FGF14: variants seen among roughly 807,000 people sequenced by gnomAD.
FGF14 encodes the protein fibroblast growth factor homologous factor 4.
FGF14 carries 5 observed loss-of-function variants against 25.5 expected under a neutral mutation model. The ratio of observed to expected loss-of-function variants is 0.20; its 90% CI spans 0.10 to 0.41. The LOEUF (loss-of-function observed/expected upper bound fraction) is 0.41. Ranked by LOEUF, FGF14 falls within the 10% of genes least tolerant of loss-of-function variation. FGF14 has a pLI of 1.00. For missense variants in FGF14, 222 were observed against 320.1 expected (o/e 0.69, Z 2.34); for synonymous variants, 138 against 118.3 (o/e 1.17, Z -1.08).
chr13:102,269,275 T>C (rs1258779201), intron 1 of FGF14, among the ~76,000 whole-genome samples: 1 of 152,186 alleles, frequency 6.6e-6, no homozygotes, highest in Admixed American at 6.5e-5. Context: ...TAGACTACAA[T>C]TGTAAAACAA....
intron 1 of FGF14, among the ~76,000 whole-genome samples, chr13:102,297,578 T>C (rs1006267310): frequency 5.3e-5 from 8 of 152,038 alleles, no homozygotes; most frequent in Admixed American, 3.3e-4. Context: ...AAAACTATTC[T>C]GAAATAAAAG....
chr13:102,009,012 T>C (rs1290417426), intron 1 of FGF14, among the ~76,000 whole-genome samples: 4 of 152,158 alleles, frequency 2.6e-5, no homozygotes, highest in Non-Finnish European at 5.9e-5. Flanking sequence ...TTGTTGGTTA[T>C]GAGATTATAA....
At chr13:101,929,408 G>A (rs1246606916) in intron 1 of FGF14, among the ~76,000 whole-genome samples, 2 of 152,194 alleles carry the variant, frequency 1.3e-5, no homozygotes, top group African/African-American at 2.4e-5. Context: ...AAGGTAAGCG[G>A]AAGCAGCCTA....
intron 1 of FGF14, among the ~76,000 whole-genome samples, chr13:102,169,016 A>G (rs951588040): frequency 5.9e-5 from 9 of 151,924 alleles, no homozygotes; most frequent in Non-Finnish European, 1.2e-4. Flanking sequence ...AAGAAAAAAA[A>G]AGAACACTCA....
At chr13:101,887,548 C>T (rs929452768) in intron 1 of FGF14, among the ~76,000 whole-genome samples, 1 of 151,686 alleles carries the variant, frequency 6.6e-6, no homozygotes, top group Non-Finnish European at 1.5e-5. Flanking sequence ...GTTGATCTCA[C>T]GGAGATAGCA....
chr13:102,330,016 C>T (rs1314712665), intron 1 of FGF14, among the ~76,000 whole-genome samples: 2 of 152,146 alleles, frequency 1.3e-5, no homozygotes, highest in Non-Finnish European at 2.9e-5. Flanking sequence ...CGCAATCGTG[C>T]CAGTTATTCT....
At chr13:102,039,082 C>A (rs2041609835) in intron 1 of FGF14, among the ~76,000 whole-genome samples, 1 of 152,098 alleles carries the variant, frequency 6.6e-6, no homozygotes, top group African/African-American at 2.4e-5. Flanking sequence ...AATGACACAG[C>A]CAGGTCCCTT....
intron 1 of FGF14, among the ~76,000 whole-genome samples, chr13:102,037,021 C>A (rs2041509026): frequency 6.6e-6 from 1 of 152,082 alleles, no homozygotes; most frequent in South Asian, 2.1e-4. Context: ...ATCTAGTCAT[C>A]ACCCTAATGG....
At chr13:102,248,358 A>T (rs1003144663) in intron 1 of FGF14, among the ~76,000 whole-genome samples, 4 of 152,176 alleles carry the variant, frequency 2.6e-5, no homozygotes, top group Non-Finnish European at 5.9e-5. Flanking sequence ...GAAATTATTA[A>T]TGTATACTTC....
intron 1 of FGF14, among the ~76,000 whole-genome samples, chr13:102,277,979 C>A (rs1384823799): frequency 1.3e-5 from 2 of 152,192 alleles, no homozygotes; most frequent in East Asian, 1.9e-4. Flanking sequence ...GCCCCAGAAT[C>A]AAATACAAGC....
At chr13:101,918,692 G>C (rs2033764204), upstream of FGF14, among the ~76,000 whole-genome samples, 1 of 152,234 alleles carries the variant, frequency 6.6e-6, no homozygotes, top group Non-Finnish European at 1.5e-5. Flanking sequence ...AGCAGCCACT[G>C]CTGGGCTGTT....
intron 1 of FGF14, among the ~76,000 whole-genome samples, chr13:101,924,802 CACA>C (rs1351728396): frequency 1.3e-5 from 2 of 152,118 alleles, no homozygotes; most frequent in Non-Finnish European, 2.9e-5. Flanking sequence ...AGATCTTAAG[CACA>C]TGCCTTTTCT....
At chr13:102,162,153 G>T (rs2047806189) in intron 1 of FGF14, among the ~76,000 whole-genome samples, 1 of 152,108 alleles carries the variant, frequency 6.6e-6, no homozygotes, top group African/African-American at 2.4e-5. Flanking sequence ...AGCTAACTGG[G>T]AGGCGGTTGG....
chr13:102,306,287 A>C (rs146732811), intron 1 of FGF14, among the ~76,000 whole-genome samples: 4 of 152,284 alleles, frequency 2.6e-5, no homozygotes, highest in African/African-American at 4.8e-5. Context: ...ATTTGGTGCT[A>C]AGGATACAAA....
intron 1 of FGF14, among the ~76,000 whole-genome samples, chr13:101,926,206 C>A (rs1461911133): frequency 6.6e-6 from 1 of 152,208 alleles, no homozygotes; most frequent in African/African-American, 2.4e-5. Flanking sequence ...ACCCTGTATC[C>A]AAAACACACA....
intron 1 of FGF14, among the ~76,000 whole-genome samples, chr13:102,065,857 A>G (rs1410379884): frequency 6.6e-6 from 1 of 152,068 alleles, no homozygotes; most frequent in Non-Finnish European, 1.5e-5. Flanking sequence ...TTTTTATTTG[A>G]CCAGGAATTT....
At chr13:102,195,696 G>T (rs1225312550) in intron 1 of FGF14, among the ~76,000 whole-genome samples, 2 of 149,726 alleles carry the variant, frequency 1.3e-5, no homozygotes, top group African/African-American at 4.9e-5. Context: ...GGAGGCTGAG[G>T]CTGGTGGATC....
intron 1 of FGF14, among the ~76,000 whole-genome samples, chr13:102,160,661 C>G (rs2047582156): frequency 6.6e-6 from 1 of 152,012 alleles, no homozygotes; most frequent in African/African-American, 2.4e-5. Context: ...CCACAGAAAA[C>G]AGAGGGACTG....
At chr13:102,098,850 T>C (rs1371374867) in intron 1 of FGF14, among the ~76,000 whole-genome samples, 1 of 152,204 alleles carries the variant, frequency 6.6e-6, no homozygotes, top group Non-Finnish European at 1.5e-5. Context: ...AGGTAAAGTC[T>C]TTTATATTAA....
Sources: allele counts gnomAD v4.1 joint callset (sites outside exome capture counted in the v4.1 genomes callset), GRCh38; gene constraint gnomAD v4.1.1; transcripts MANE v1.5; gene names NCBI Gene and HGNC (gene_info 2026-07-23, HGNC 2026-07-21).